VSIG10: variants seen among roughly 807,000 people sequenced by gnomAD.
The protein encoded by VSIG10 is V-set and immunoglobulin domain containing 10, also known as V-set and immunoglobulin domain-containing protein 10.
Under a neutral mutation model 58.7 loss-of-function variants are expected in VSIG10, and 48 were observed. That is an observed-to-expected ratio of 0.82 (90% CI 0.65 to 1.04). The LOEUF (loss-of-function observed/expected upper bound fraction) is 1.04. VSIG10 is among the 50% of genes least tolerant of loss of function. VSIG10 has a pLI of 0.00. For missense variants in VSIG10, 628 were observed against 670.0 expected (o/e 0.94, Z 0.69); for synonymous variants, 260 against 267.1 (o/e 0.97, Z 0.26).
intron 2 of VSIG10, among the ~76,000 whole-genome samples, chr12:118,086,598 A>C (rs879100162): frequency 6.6e-6 from 1 of 152,086 alleles, no homozygotes; most frequent in Admixed American, 6.6e-5. Context: ...CAATTGATGA[A>C]ATAAACAGCT....
At chr12:118,096,750 AC>A (rs1419479257) in intron 1 of VSIG10, among the ~76,000 whole-genome samples, 1 of 150,260 alleles carries the variant, frequency 6.7e-6, no homozygotes, top group African/African-American at 2.5e-5. Flanking sequence ...AATAACACAT[AC>A]AGAGCAGCTG....
chr12:118,095,243 G>A (rs1295341116), intron 2 of VSIG10, among the ~76,000 whole-genome samples: 3 of 151,830 alleles, frequency 2.0e-5, no homozygotes, highest in Non-Finnish European at 4.4e-5. Context: ...GTTTCACCAC[G>A]TTGGCCAGGC....
chr12:118,069,018 G>A (rs2032370942), intron 7 of VSIG10, among the ~76,000 whole-genome samples: 1 of 152,138 alleles, frequency 6.6e-6, no homozygotes, highest in Admixed American at 6.6e-5. Flanking sequence ...TAGAGTCCAT[G>A]CTATAGTTTA....
intron 2 of VSIG10, among the ~76,000 whole-genome samples, chr12:118,083,993 GT>G (rs1457098585): frequency 6.6e-6 from 1 of 152,092 alleles, no homozygotes; most frequent in Non-Finnish European, 1.5e-5. Flanking sequence ...GGTGGTGCAG[GT>G]AAGTAGTCCC....
chr12:118,103,556 A>G, intron 1 of VSIG10, 37 bp downstream of exon 1: 3 of 1,498,030 alleles, frequency 2.0e-6, no homozygotes, highest in Non-Finnish European at 2.7e-6. Context: ...GCTGACTGGG[A>G]AAACTCAACT....
At chr12:118,083,528 A>G (rs2033031755) in intron 2 of VSIG10, among the ~76,000 whole-genome samples, 1 of 152,180 alleles carries the variant, frequency 6.6e-6, no homozygotes, top group South Asian at 2.1e-4. Context: ...GCAGTGAGCC[A>G]AGATCACACC....
At chr12:118,087,459 G>A (rs1036878201) in intron 2 of VSIG10, among the ~76,000 whole-genome samples, 1 of 152,040 alleles carries the variant, frequency 6.6e-6, no homozygotes, top group African/African-American at 2.4e-5. Flanking sequence ...CCAGCCACTT[G>A]CAGATAACAA....
intron 5 of VSIG10, among the ~76,000 whole-genome samples, chr12:118,072,241 G>A (rs1428385313): frequency 2.0e-5 from 3 of 152,084 alleles, no homozygotes; most frequent in South Asian, 2.1e-4. Flanking sequence ...CGAGGCAGGC[G>A]GATCACGAGG....
rs969571755 is a variant in VSIG10 at position 118,064,152 on chromosome 12, C to T, written c.*2487G>A. On this transcript the variant is annotated 3_prime_UTR_variant, in exon 9 of 9. Coordinates refer to ENST00000359236, the MANE Select transcript of VSIG10 (RefSeq NM_019086.6). ...CAAGCTTGTGGATTTGGGCATGGAT[C>T]GTCTTAAAGAAGCCCGAATTCTTCA... is the stretch of plus-strand genomic sequence containing the variant. 6.6e-6 allele frequency: 1 copy of T among 152,094 alleles called. No individual in the cohort carries two copies. The highest frequency in any genetic ancestry group is 6.6e-5 in the Admixed American group (1 of 15,256). 9.4% of individuals were successfully genotyped at this position (152,094 alleles called of 1,614,324 possible). A position where few individuals can be genotyped will look rare whatever the true frequency, so the allele number is the denominator to read the frequency against.
intron 1 of VSIG10, among the ~76,000 whole-genome samples, chr12:118,097,379 C>T (rs556420419): frequency 2.4e-4 from 37 of 152,204 alleles, no homozygotes; most frequent in Admixed American, 1.8e-3. Context: ...GCTGGGAGGC[C>T]GAGGGAGGAG....
At chr12:118,080,727 T>C (rs1011141020) in intron 3 of VSIG10, among the ~76,000 whole-genome samples, 3 of 152,098 alleles carry the variant, frequency 2.0e-5, no homozygotes, top group African/African-American at 7.2e-5. Flanking sequence ...TGCCTCAATA[T>C]AGACGAACCT....
intron 4 of VSIG10, among the ~76,000 whole-genome samples, chr12:118,074,219 G>A (rs1445375539): frequency 6.6e-6 from 1 of 151,662 alleles, no homozygotes; most frequent in African/African-American, 2.4e-5. Flanking sequence ...CCCGAGCTGG[G>A]ATTACAGGCA....
chr12:118,080,167 C>CT (rs71069407), intron 3 of VSIG10, among the ~76,000 whole-genome samples: 5,736 of 142,660 alleles, frequency 0.04, 130 homozygotes, highest in Middle Eastern at 0.1. Flanking sequence ...TTTTTCTTTT[C>CT]TTTTTTTTTT....
chr12:118,080,764 G>A (rs2032920825), intron 3 of VSIG10, among the ~76,000 whole-genome samples: 1 of 152,132 alleles, frequency 6.6e-6, no homozygotes, highest in Non-Finnish European at 1.5e-5. Context: ...GGTGAAAGAA[G>A]CCAGACACAA....
At chr12:118,092,570 C>G (rs1251320089) in intron 2 of VSIG10, among the ~76,000 whole-genome samples, 1 of 151,916 alleles carries the variant, frequency 6.6e-6, no homozygotes, top group Non-Finnish European at 1.5e-5. Context: ...ATGAATGTGG[C>G]TATATTCCAA....
chr12:118,089,148 C>T (rs958370212), intron 2 of VSIG10, among the ~76,000 whole-genome samples: 1 of 151,838 alleles, frequency 6.6e-6, no homozygotes, highest in African/African-American at 2.4e-5. Flanking sequence ...GGAGTTTCAC[C>T]ATGTTGGCCA....
intron 2 of VSIG10, among the ~76,000 whole-genome samples, chr12:118,093,799 C>T (rs2033367750): frequency 6.6e-6 from 1 of 152,006 alleles, no homozygotes; most frequent in Non-Finnish European, 1.5e-5. Flanking sequence ...ATCCCAGCTA[C>T]TTGGGAGGCT....
intron 4 of VSIG10, 54 bp downstream of exon 4, chr12:118,079,292 G>C: frequency 1.3e-6 from 2 of 1,592,550 alleles, no homozygotes; most frequent in Non-Finnish European, 1.7e-6. Flanking sequence ...GCTTCTCCTA[G>C]GAGAAAGGAA....
At chr12:118,082,667 G>A (rs1310087192) in intron 2 of VSIG10, among the ~76,000 whole-genome samples, 1 of 151,972 alleles carries the variant, frequency 6.6e-6, no homozygotes, top group South Asian at 2.1e-4. Flanking sequence ...AGTATACATT[G>A]CTCCTTTAAA....
Sources: allele counts gnomAD v4.1 joint callset (sites outside exome capture counted in the v4.1 genomes callset), GRCh38; gene constraint gnomAD v4.1.1; transcripts MANE v1.5; gene names NCBI Gene and HGNC (gene_info 2026-07-23, HGNC 2026-07-21).